The following CNGB3 variants were observed in gnomAD, a reference collection of about 807,000 sequenced individuals.
CNGB3 encodes the protein cyclic nucleotide-gated channel beta-3.
In CNGB3, 86 loss-of-function variants were observed where a neutral mutation model predicts 92.8. The observed-to-expected ratio is 0.93, with a 90% CI of 0.78 to 1.11. CNGB3 has a LOEUF of 1.11. Among genes scored for constraint, CNGB3 ranks in the 50% least tolerant of loss-of-function variants. The probability of loss-of-function intolerance (pLI) is 0.00; values close to 1 mark genes in which losing one functional copy is unlikely to be tolerated. For missense variants in CNGB3, 1,026 were observed against 956.8 expected, an observed-to-expected ratio of 1.07 and a Z score of -0.95; for synonymous variants, 333 against 332.7, an observed-to-expected ratio of 1.00 and a Z score of -0.01.
At chr8:86,708,563 A>ATTT (rs10714055) in intron 3 of CNGB3, among the ~76,000 whole-genome samples, 2 of 85,930 alleles carry the variant, frequency 2.3e-5, no homozygotes, top group East Asian at 3.3e-4. Flanking sequence ...TCTTTTCTTA[A>ATTT]TTTTTTTTTT....
intron 2 of CNGB3, among the ~76,000 whole-genome samples, chr8:86,730,249 A>G (rs1825135632): frequency 6.6e-6 from 1 of 152,210 alleles, no homozygotes; most frequent in African/African-American, 2.4e-5. Context: ...TGATGTGGAA[A>G]TCCATTAACC....
At chr8:86,601,562 CATGA>C (rs1822302098) in intron 15 of CNGB3, among the ~76,000 whole-genome samples, 1 of 151,610 alleles carries the variant, frequency 6.6e-6, no homozygotes, top group Non-Finnish European at 1.5e-5. Flanking sequence ...TTAAAGGCTA[CATGA>C]TAGTGCTGGA....
At chr8:86,732,013 CAG>C (rs1275443371) in intron 2 of CNGB3, among the ~76,000 whole-genome samples, 1 of 152,116 alleles carries the variant, frequency 6.6e-6, no homozygotes. Context: ...CCTAAAAGCA[CAG>C]AGTTTAATTG....
At chr8:86,596,758 A>G (rs1341953467) in intron 15 of CNGB3, among the ~76,000 whole-genome samples, 1 of 152,190 alleles carries the variant, frequency 6.6e-6, no homozygotes, top group Non-Finnish European at 1.5e-5. Flanking sequence ...TCACAATAGC[A>G]AAGACTTGGA....
At chr8:86,641,234 A>G (rs1051463604) in intron 10 of CNGB3, among the ~76,000 whole-genome samples, 4 of 152,024 alleles carry the variant, frequency 2.6e-5, no homozygotes, top group Non-Finnish European at 5.9e-5. Flanking sequence ...GGAACCCTCA[A>G]TTCTGGGAAT....
chr8:86,743,457 A>G (rs1446429213), intron 1 of CNGB3, 42 bp downstream of exon 1: 1 of 1,612,472 alleles, frequency 6.2e-7, no homozygotes, highest in Non-Finnish European at 8.5e-7. Flanking sequence ...CAGATAAGAA[A>G]TGATGAAAAT....
At chr8:86,586,497 A>C (rs4360307) in intron 15 of CNGB3, among the ~76,000 whole-genome samples, 28,103 of 85,130 alleles carry the variant, frequency 0.33, 3,473 homozygotes, top group Admixed American at 0.49. Flanking sequence ...TCCCCCCACC[A>C]CACAACAGTC....
chr8:86,577,257 A>G (rs1821678817), intron 17 of CNGB3, among the ~76,000 whole-genome samples: 1 of 152,240 alleles, frequency 6.6e-6, no homozygotes, highest in Non-Finnish European at 1.5e-5. Flanking sequence ...GTAACTAATT[A>G]TGATCTTATC....
At chr8:86,632,668 A>T in intron 11 of CNGB3, 84 bp downstream of exon 11, 1 of 1,423,336 alleles carries the variant, frequency 7.0e-7, no homozygotes, top group South Asian at 1.2e-5. Flanking sequence ...ACAGATTTTA[A>T]TTTTTCCTCC....
chr8:86,634,230 C>T (rs35511721), intron 10 of CNGB3, among the ~76,000 whole-genome samples: 12,694 of 152,126 alleles, frequency 0.083, 593 homozygotes, highest in African/African-American at 0.12. Flanking sequence ...AACCATTCTG[C>T]TTTTCACTTT....
chr8:86,685,143 T>C (rs548206879), intron 3 of CNGB3, among the ~76,000 whole-genome samples: 6 of 152,158 alleles, frequency 3.9e-5, no homozygotes, highest in Non-Finnish European at 7.4e-5. Flanking sequence ...GTATATGGGA[T>C]ATTTCTGTAT....
intron 15 of CNGB3, among the ~76,000 whole-genome samples, chr8:86,587,548 CT>C (rs1371659535): frequency 5.3e-5 from 8 of 152,046 alleles, no homozygotes; most frequent in Non-Finnish European, 5.9e-5. Context: ...TTTCAGCTTT[CT>C]ACATATGGCT....
intron 6 of CNGB3, among the ~76,000 whole-genome samples, chr8:86,665,904 A>G (rs35552599): frequency 0.2 from 30,228 of 151,886 alleles, 3,559 homozygotes; most frequent in East Asian, 0.42. Flanking sequence ...AAAATTGGGG[A>G]AAAAAAAGGG....
intron 8 of CNGB3, among the ~76,000 whole-genome samples, chr8:86,647,335 T>C (rs2131596892): frequency 6.6e-6 from 1 of 151,110 alleles, no homozygotes; most frequent in South Asian, 2.1e-4. Flanking sequence ...TGTGAAAGCA[T>C]GTCTGTGATG....
chr8:86,593,764 A>T, intron 15 of CNGB3: 1 of 1,298,266 alleles, frequency 7.7e-7, no homozygotes, highest in South Asian at 1.2e-5. Flanking sequence ...TCAGGATGCC[A>T]GGGCAGTACT....
chr8:86,586,906 T>C (rs71525054), intron 15 of CNGB3, among the ~76,000 whole-genome samples: 7,940 of 113,526 alleles, frequency 0.07, 65 homozygotes, highest in African/African-American at 0.17. Context: ...CCTGAGGAAT[T>C]GCCACACTGA....
intron 1 of CNGB3, 131 bp downstream of exon 1, chr8:86,743,368 G>A (rs1209963201): frequency 1.1e-5 from 11 of 975,556 alleles, no homozygotes; most frequent in East Asian, 4.9e-5. Flanking sequence ...AGATAAGCCC[G>A]ACACAGTACA....
intron 13 of CNGB3, among the ~76,000 whole-genome samples, chr8:86,612,867 G>A (rs1264514246): frequency 2.0e-5 from 3 of 152,198 alleles, no homozygotes; most frequent in Non-Finnish European, 4.4e-5. Context: ...GCTGTTTTGA[G>A]CAAGGCTTTG....
chr8:86,729,011 A>T (rs1336025272), intron 2 of CNGB3, among the ~76,000 whole-genome samples: 1 of 152,154 alleles, frequency 6.6e-6, no homozygotes, highest in Non-Finnish European at 1.5e-5. Context: ...CCTGGGCTCA[A>T]GTGATTCTCC....
Sources: gnomAD v4.1 joint callset for allele counts (sites outside exome capture counted in the v4.1 genomes callset) on GRCh38, gnomAD v4.1.1 for gene constraint, MANE v1.5 for transcripts, NCBI Gene and HGNC (gene_info 2026-07-23, HGNC 2026-07-21) for gene names.